CYP4F2: variants seen among roughly 807,000 people sequenced by gnomAD.
The protein encoded by CYP4F2 is cytochrome P450 family 4 subfamily F member 2.
In CYP4F2, 58 loss-of-function variants were observed where a neutral mutation model predicts 58.9. The observed-to-expected ratio is 0.98, with a 90% CI of 0.80 to 1.23. The LOEUF (loss-of-function observed/expected upper bound fraction) is 1.23, where lower values mean the gene tolerates loss of function less well. CYP4F2 is among the 50% of genes most tolerant of loss of function. The probability of loss-of-function intolerance (pLI) is 0.00; values close to 1 mark genes in which losing one functional copy is unlikely to be tolerated. For missense variants in CYP4F2, 616 were observed against 685.6 expected (o/e 0.90, Z 1.13); for synonymous variants, 287 against 261.1 (o/e 1.10, Z -0.95).
intron 2 of CYP4F2, among the ~76,000 whole-genome samples, chr19:15,896,233 GCTATCTAT>G (rs10638260): frequency 0.18 from 26,484 of 148,274 alleles, 2,354 homozygotes; most frequent in Middle Eastern, 0.3. Flanking sequence ...TATCCTATTA[GCTATCTAT>G]CTATCTATCT....
chr19:15,886,479 TCAC>T, intron 7 of CYP4F2, 171 bp from the exon 8 acceptor site: 3 of 775,708 alleles, frequency 3.9e-6, no homozygotes, highest in African/African-American at 1.7e-5. Flanking sequence ...GCCAGAGCCC[TCAC>T]CTCATGGCCT....
In CYP4F2 at chr19:15,879,881, A is replaced by G. The variant is rs756473800; in HGVS notation, c.1132T>C (p.Leu378=). The change falls in exon 10 of 13, where the codon TTG becomes CTG. Residue 378 remains leucine, a synonymous_variant. Coordinates refer to ENST00000221700, the MANE Select transcript of CYP4F2 (RefSeq NM_001082.5). The stretch of plus-strand genomic sequence containing the variant: ...TTCATGCACATGGTCAGGAAGGGCA[A>G]ATGGGCCAGGTCGTCCCTAAGGAAA... The part of the protein sequence containing the change: ...KEIEWDDLAH[L]PFLTMCMKES... 5.6e-6 allele frequency: 9 copies of G among 1,614,046 alleles called. No homozygotes were observed. The African/African-American group carries it at 6.7e-5, about 12-fold the overall frequency.
chr19:15,897,873 G>T (rs2089458049), intron 1 of CYP4F2, 153 bp downstream of exon 1: 1 of 413,002 alleles, frequency 2.4e-6, no homozygotes, highest in Non-Finnish European at 4.3e-6. Flanking sequence ...GGCCCAGCCT[G>T]AATCACTGTG....
chr19:15,894,118 C>G (rs1159545365), intron 3 of CYP4F2, among the ~76,000 whole-genome samples: 1 of 152,174 alleles, frequency 6.6e-6, no homozygotes, highest in Non-Finnish European at 1.5e-5. Context: ...TCCCTGGGCT[C>G]TCATTCATCC....
At chr19:15,879,487 GAGAC>G (rs869135045) in intron 11 of CYP4F2, 59 bp from the exon 12 acceptor site, 5 of 1,610,344 alleles carry the variant, frequency 3.1e-6, no homozygotes, top group Middle Eastern at 1.6e-4. Context: ...CAGCCTTGGA[GAGAC>G]AGACAGTTGT....
At chr19:15,882,436 T>C (rs1457958713) in intron 9 of CYP4F2, among the ~76,000 whole-genome samples, 1 of 152,142 alleles carries the variant, frequency 6.6e-6, no homozygotes, top group African/African-American at 2.4e-5. Context: ...AATGTATTAA[T>C]TGAAATTGCT....
chr19:15,897,783 C>A (rs568589201), intron 1 of CYP4F2, 171 bp from the exon 2 acceptor site: 2 of 737,756 alleles, frequency 2.7e-6, no homozygotes, highest in South Asian at 3.7e-5. Flanking sequence ...CCAACCAAAA[C>A]CAGCAGCCAA....
chr19:15,895,387 A>T, intron 3 of CYP4F2, 119 bp downstream of exon 3: 1 of 1,267,776 alleles, frequency 7.9e-7, no homozygotes, highest in Non-Finnish European at 1.1e-6. Context: ...AGAAAGATGA[A>T]GATAGCTGAG....
intron 9 of CYP4F2, among the ~76,000 whole-genome samples, chr19:15,881,666 G>C (rs1044917814): frequency 6.6e-6 from 1 of 152,102 alleles, no homozygotes; most frequent in East Asian, 1.9e-4. Context: ...GGGGTGGCAG[G>C]ATTGTCAAGG....
chr19:15,885,557 G>A (rs571118193), intron 9 of CYP4F2, among the ~76,000 whole-genome samples: 1 of 152,300 alleles, frequency 6.6e-6, no homozygotes, highest in East Asian at 1.9e-4. Flanking sequence ...CTCGACTGGA[G>A]AGTAGGAATT....
rs552157621 is a variant in CYP4F2 at position 15,897,998 on chromosome 19, C to CG, written c.-2+27_-2+28insC. ...CTCTCCATCCCAGGCCAGGACCCCC[C>CG]CCAGGCCTGCCACCCCCAGCCTGGC... On this transcript the variant is annotated intron_variant, in intron 1 of 12. Transcript: ENST00000221700. 131 of 235,754 alleles carry CG rather than the reference C, an allele frequency of 5.6e-4. 2 individuals are homozygous for CG. The highest frequency in any genetic ancestry group is 2.0e-3 in the African/African-American group (86 of 42,166). 14.6% of individuals were successfully genotyped at this position (235,754 alleles called of 1,614,324 possible). A position where few individuals can be genotyped will look rare whatever the true frequency, so the allele number is the denominator to read the frequency against.
At chr19:15,887,777 TAGA>T (rs1216565817) in intron 7 of CYP4F2, among the ~76,000 whole-genome samples, 1 of 150,150 alleles carries the variant, frequency 6.7e-6, no homozygotes, top group Non-Finnish European at 1.5e-5. Flanking sequence ...GACACAGATA[TAGA>T]CACAGACATA....
intron 10 of CYP4F2, 32 bp downstream of exon 10, chr19:15,879,732 C>T (rs1183702398): frequency 2.2e-5 from 35 of 1,613,746 alleles, no homozygotes; most frequent in Non-Finnish European, 2.8e-5. Flanking sequence ...TCTTCCTACC[C>T]AGGAGACTCC....
intron 3 of CYP4F2, among the ~76,000 whole-genome samples, chr19:15,894,769 G>A (rs899428561): frequency 2.6e-5 from 4 of 152,136 alleles, no homozygotes; most frequent in Admixed American, 6.5e-5. Flanking sequence ...AGCCTCGCCC[G>A]TCCAACGATG....
At chr19:15,880,300 A>G (rs189169347) in intron 9 of CYP4F2, among the ~76,000 whole-genome samples, 1 of 152,234 alleles carries the variant, frequency 6.6e-6, no homozygotes, top group South Asian at 2.1e-4. Context: ...CCAAAAGTTG[A>G]AAGGCAATAT....
chr19:15,886,169 G>GA (rs1293891732), intron 8 of CYP4F2, 73 bp downstream of exon 8: 15 of 1,610,060 alleles, frequency 9.3e-6, no homozygotes, highest in Non-Finnish European at 1.2e-5. Context: ...GGAAGGTTGT[G>GA]GGGGTCTACC....
rs771132079 is a variant in CYP4F2, at chr19:15,889,518, G to A, written c.823C>T (p.Arg275Cys). 8.7e-6 allele frequency: 14 copies of A among 1,614,076 alleles called. No homozygotes were observed. Among genetic ancestry groups the A allele is most frequent in the Middle Eastern group, 1.6e-4 (1 of 6,084 alleles). The change falls in exon 7 of 13, where the codon CGC (arginine) becomes TGC (cysteine). Residue 275 changes from arginine to cysteine, a missense_variant. Coordinates refer to ENST00000221700, the MANE Select transcript of CYP4F2 (RefSeq NM_001082.5). ...DFTDAVIQER[R>C]RTLPSQGVDD... ...ACACCCTGGCTAGGGAGAGTGCGGCGCCGCTCCTGGATGACGGCATCTGTG... is the reference window on the plus strand; with the variant it reads ...ACACCCTGGCTAGGGAGAGTGCGGCACCGCTCCTGGATGACGGCATCTGTG...
chr19:15,881,530 T>C (rs2089344607), intron 9 of CYP4F2, among the ~76,000 whole-genome samples: 1 of 151,428 alleles, frequency 6.6e-6, no homozygotes, highest in Admixed American at 6.6e-5. Flanking sequence ...GATATATAGA[T>C]AGTAGATAGG....
intron 3 of CYP4F2, among the ~76,000 whole-genome samples, chr19:15,895,272 G>A (rs986607686): frequency 6.6e-6 from 1 of 152,166 alleles, no homozygotes; most frequent in Non-Finnish European, 1.5e-5. Flanking sequence ...ACTGGGCCTT[G>A]GGTTGAGGTC....
Sources: allele counts gnomAD v4.1 joint callset (sites outside exome capture counted in the v4.1 genomes callset), GRCh38; gene constraint gnomAD v4.1.1; transcripts MANE v1.5; gene names NCBI Gene and HGNC (gene_info 2026-07-23, HGNC 2026-07-21).